WDFY2: variants seen among roughly 807,000 people sequenced by gnomAD.
WDFY2 encodes the protein WD repeat and FYVE domain-containing protein 2.
Under a neutral mutation model 56.4 loss-of-function variants are expected in WDFY2, and 36 were observed. The observed-to-expected ratio is 0.64, with a 90% confidence interval of 0.49 to 0.84. The LOEUF (loss-of-function observed/expected upper bound fraction) is 0.84. Ranked by LOEUF, WDFY2 falls within the 40% of genes least tolerant of loss-of-function variation. WDFY2 has a pLI of 0.00. For synonymous variants in WDFY2, 176 were observed against 183.7 expected (o/e 0.96, Z 0.34); for missense variants, 444 against 512.2 (o/e 0.87, Z 1.29).
rs933556895 is a variant in WDFY2, at chr13:51,703,589, T to A, written c.280-7T>A. 7.5e-6 allele frequency: 12 copies of A among 1,590,102 alleles called. No individual in the cohort carries two copies. The highest frequency in any genetic ancestry group is 2.7e-5 in the African/African-American group (2 of 73,954). The stretch of plus-strand genomic sequence containing the variant: ...TTTTTGTTTAATAGTTTTCTTTTCT[T>A]TTACAGGAGTTTATATTGTCAGAAG... On this transcript the variant is annotated splice_polypyrimidine_tract_variant and splice_region_variant and intron_variant, in intron 3 of 11. Coordinates refer to ENST00000298125, the MANE Select transcript of WDFY2 (RefSeq NM_052950.4).
At position 51,683,188 on chromosome 13, in the gene WDFY2, G is replaced by A. The variant is rs1354384442; in HGVS notation, c.279+7945G>A. Among the ~76,000 whole-genome samples, 3 of 152,240 alleles carry A rather than the reference G, an allele frequency of 2.0e-5. No homozygotes were observed. In the East Asian group the frequency reaches 5.8e-4, roughly 29 times the overall value. ...CCTTATTTTCGTGGATTGAGAGTAT[G>A]GAATAAGGAAAAATTGCAAGCCATT... On this transcript the variant is annotated intron_variant, in intron 3 of 11. Coordinates refer to ENST00000298125, the MANE Select transcript of WDFY2 (RefSeq NM_052950.4).
intron 1 of WDFY2, chr13:51,590,837 T>G (rs185597784): frequency 3.3e-5 from 5 of 152,272 alleles, no homozygotes; most frequent in African/African-American, 1.2e-4. Flanking sequence ...TTTTTGTATT[T>G]CGGGGCAGGG....
At chr13:51,758,153 C>A in intron 10 of WDFY2, 39 bp from the exon 11 acceptor site, 1 of 1,492,068 alleles carries the variant, frequency 6.7e-7, no homozygotes, top group Non-Finnish European at 9.2e-7. Context: ...TCATATGTCA[C>A]CACCTTTTCC....
chr13:51,692,062 G>C (rs1331490151), intron 3 of WDFY2, among the ~76,000 whole-genome samples: 9 of 152,220 alleles, frequency 5.9e-5, no homozygotes, highest in Non-Finnish European at 1.2e-4. Context: ...AGACTTTGCT[G>C]AAGTTGCTTA....
intron 2 of WDFY2, among the ~76,000 whole-genome samples, chr13:51,672,516 T>C (rs1264425029): frequency 1.3e-5 from 2 of 152,164 alleles, no homozygotes; most frequent in Admixed American, 1.3e-4. Flanking sequence ...TTAGTCTTGC[T>C]TTGGCTATGT....
Position 51,758,292 on chromosome 13 carries a change from GTTATTAAGGTAAGATGCCATC to G in WDFY2, c.1173+1_1173+21del, listed in dbSNP as rs1362454585. 6.3e-7 allele frequency: 1 copy of G among 1,586,884 alleles called. No individual in the cohort carries two copies. The highest frequency in any genetic ancestry group is 8.6e-7 in the Non-Finnish European group (1 of 1,159,354). On this transcript the variant is annotated splice_donor_variant and splice_donor_5th_base_variant and coding_sequence_variant and intron_variant, in exon 11 of 12. Transcript: ENST00000298125. LOFTEE classifies it high-confidence loss of function. ...GTTACTGACTTCTGGAACTGACAAG[GTTATTAAGGTAAGATGCCATC>G]TTATTAAGAAGCTTTCCATCTTTGG...
intron 1 of WDFY2, among the ~76,000 whole-genome samples, chr13:51,653,152 A>G (rs1955433002): frequency 6.6e-6 from 1 of 151,874 alleles, no homozygotes; most frequent in Non-Finnish European, 1.5e-5. Context: ...CATTTCATTC[A>G]CTTGATCTTC....
At chr13:51,585,504 G>A (rs1191986929) in intron 1 of WDFY2, among the ~76,000 whole-genome samples, 1 of 152,048 alleles carries the variant, frequency 6.6e-6, no homozygotes, top group Admixed American at 6.5e-5. Context: ...CTTTATTTTT[G>A]CTTAATTTTG....
intron 10 of WDFY2, 144 bp downstream of exon 10, chr13:51,756,606 C>T: frequency 7.3e-7 from 1 of 1,378,814 alleles, no homozygotes; most frequent in Non-Finnish European, 9.4e-7. Context: ...AAAAGCTCTC[C>T]TTTGCCACCA....
chr13:51,637,050 G>GCACA (rs1339838141), intron 1 of WDFY2, among the ~76,000 whole-genome samples: 2 of 152,196 alleles, frequency 1.3e-5, no homozygotes, highest in African/African-American at 4.8e-5. Context: ...AGATCCCTAG[G>GCACA]TTATTCTTAT....
chr13:51,687,666 C>T (rs1351711616), intron 3 of WDFY2, among the ~76,000 whole-genome samples: 4 of 151,592 alleles, frequency 2.6e-5, no homozygotes, highest in Non-Finnish European at 5.9e-5. Context: ...TATTGATTAC[C>T]TCTCATATAT....
intron 3 of WDFY2, among the ~76,000 whole-genome samples, chr13:51,701,317 T>TCCAGACCAGCCTGACCAACATGGTGAAAC (rs1951980141): frequency 2.0e-5 from 3 of 151,908 alleles, no homozygotes; most frequent in African/African-American, 7.3e-5. Flanking sequence ...GGTCAGGAGT[T>TCCAGACCAGCCTGACCAACATGGTGAAAC]CCAGACCAGC....
intron 2 of WDFY2, among the ~76,000 whole-genome samples, chr13:51,666,568 A>G (rs1255615519): frequency 2.0e-5 from 3 of 152,202 alleles, no homozygotes; most frequent in South Asian, 4.1e-4. Flanking sequence ...GGCTGTACAA[A>G]TATAATTTTC....
At chr13:51,666,101 G>A (rs1330661546) in intron 2 of WDFY2, among the ~76,000 whole-genome samples, 1 of 152,162 alleles carries the variant, frequency 6.6e-6, no homozygotes, top group Admixed American at 6.5e-5. Flanking sequence ...TCTCTGAAAC[G>A]TGATTTTGAA....
chr13:51,594,890 C>CCT (rs952018966), intron 1 of WDFY2, among the ~76,000 whole-genome samples: 6 of 152,196 alleles, frequency 3.9e-5, no homozygotes, highest in African/African-American at 1.4e-4. Context: ...CACCAGCACA[C>CCT]CTCTAAGCAG....
At chr13:51,661,849 AC>A (rs1265375651) in intron 2 of WDFY2, among the ~76,000 whole-genome samples, 4 of 152,208 alleles carry the variant, frequency 2.6e-5, no homozygotes, top group Non-Finnish European at 5.9e-5. Flanking sequence ...TCTAGAAGAT[AC>A]TGTCGTACAT....
chr13:51,667,885 T>A (rs1270171329), intron 2 of WDFY2, among the ~76,000 whole-genome samples: 3 of 83,712 alleles, frequency 3.6e-5, no homozygotes, highest in Non-Finnish European at 8.1e-5. Flanking sequence ...ACTTCTTTTT[T>A]TTTTTTTTTT....
In WDFY2 at chr13:51,584,742, C is replaced by G; in HGVS notation, c.55C>G (p.Arg19Gly). Residue 19 changes from arginine to glycine, a missense_variant, in exon 1 of 12, where the codon CGG becomes GGG. By Grantham distance (125) the Arg-to-Gly change is moderately radical (BLOSUM62 -2). Coordinates refer to ENST00000298125, the MANE Select transcript of WDFY2 (RefSeq NM_052950.4). ...GACCCGCAAGCCGATCCTGCTGCAG[C>G]GGATGGAGGGGTCCCAGGAGGTGGT... ...PLTRKPILLQRMEGSQEVVNM... is the reference protein window; with the variant it reads ...PLTRKPILLQGMEGSQEVVNM... The G allele has an allele frequency of 1.2e-6, 2 of 1,613,866 alleles. No individual in the cohort carries two copies. The highest frequency in any genetic ancestry group is 1.7e-6 in the Non-Finnish European group (2 of 1,179,792).
At chr13:51,715,725 A>T (rs1952330225) in intron 4 of WDFY2, among the ~76,000 whole-genome samples, 1 of 152,222 alleles carries the variant, frequency 6.6e-6, no homozygotes, top group African/African-American at 2.4e-5. Flanking sequence ...ATCAAGTAAC[A>T]TTATTGTAGG....
Sources: allele counts gnomAD v4.1 joint callset (sites outside exome capture counted in the v4.1 genomes callset), GRCh38; gene constraint gnomAD v4.1.1; transcripts MANE v1.5; gene names NCBI Gene and HGNC (gene_info 2026-07-23, HGNC 2026-07-21).